CDH23: variants seen among roughly 807,000 people sequenced by gnomAD.
The protein encoded by CDH23 is cadherin-23.
CDH23 carries 189 observed loss-of-function variants against 317.1 expected under a neutral mutation model. That is an observed-to-expected ratio of 0.60 (90% CI 0.53 to 0.67). The LOEUF is 0.67. Ranked by LOEUF, CDH23 falls within the 30% of genes least tolerant of loss-of-function variation. The probability of loss-of-function intolerance (pLI) is 0.00; values close to 1 mark genes in which losing one functional copy is unlikely to be tolerated. For missense variants in CDH23, 4,401 were observed against 4,592.4 expected (o/e 0.96, Z 1.20); for synonymous variants, 1,839 against 1,876.8 (o/e 0.98, Z 0.52).
chr10:71,654,750 C>T (rs926142155), intron 14 of CDH23, among the ~76,000 whole-genome samples: 1 of 152,186 alleles, frequency 6.6e-6, no homozygotes, highest in African/African-American at 2.4e-5. Context: ...CCCACGTGTC[C>T]GGACATCTCC....
At position 71,807,614 on chromosome 10, in the gene CDH23, G is replaced by A. The variant is rs369697366; in HGVS notation, c.8407G>A (p.Val2803Ile). The A allele has an allele frequency of 8.2e-5, 132 of 1,613,948 alleles. No individual in the cohort carries two copies. The highest frequency in any genetic ancestry group is 6.6e-4 in the Middle Eastern group (4 of 6,062). ...REREAIFSFIVKASSNRSWTP... is the reference protein window; with the variant it reads ...REREAIFSFIIKASSNRSWTP... ...GCGAGAAGCCATCTTCTCCTTCATC[G>A]TCAAGGCCTCCAGCAATCGCAGCTG... Residue 2803 changes from valine to isoleucine, a missense_variant, in exon 59 of 70, where the codon GTC becomes ATC. Around this residue, in one of 3 missense-constraint regions of CDH23, gnomAD observed 1,144 missense variants for 1,138.2 expected, o/e 1.01. Transcript: ENST00000224721.
Position 71,811,815 on chromosome 10 carries a change from C to T in CDH23, c.9319+62C>T. 30 of 1,474,248 alleles carry T rather than the reference C, an allele frequency of 2.0e-5. 1 individual carries two copies. In the South Asian group the frequency reaches 3.5e-4, roughly 17 times the overall value. 91.3% of individuals were successfully genotyped at this position (1,474,248 alleles called of 1,614,324 possible). On this transcript the variant is annotated intron_variant, in intron 65 of 69. Transcript: ENST00000224721. ...GCAGTGGGCTGGGGACCTGGAGTGC[C>T]CACCGGAGCCACAAGCCTGGCTCAG...
intron 3 of CDH23, among the ~76,000 whole-genome samples, chr10:71,450,739 G>A (rs1028829631): frequency 4.0e-5 from 6 of 151,870 alleles, no homozygotes; most frequent in South Asian, 2.1e-4. Flanking sequence ...GGTTCCTCCC[G>A]CACCTCTTAG....
In CDH23 at chr10:71,797,240, T is replaced by A. The variant is rs776646861; in HGVS notation, c.6829+20T>A. The A allele has an allele frequency of 6.5e-7, 1 of 1,546,526 alleles. No individual in the cohort carries two copies. On this transcript the variant is annotated intron_variant, in intron 49 of 69. Transcript: ENST00000224721. ...CAAATGGTAAGGTTCCCTGCAGACA[T>A]CTCTCATTGGTCACTCAGAGCCAAT...
chr10:71,568,748 A>G (rs1857563289), intron 7 of CDH23, among the ~76,000 whole-genome samples: 2 of 152,176 alleles, frequency 1.3e-5, no homozygotes, highest in Admixed American at 6.5e-5. Flanking sequence ...GCCACCACTG[A>G]GCTGGTACCA....
chr10:71,530,252 TC>T (rs986890525), intron 6 of CDH23, among the ~76,000 whole-genome samples: 2 of 152,150 alleles, frequency 1.3e-5, no homozygotes, highest in African/African-American at 4.8e-5. Context: ...TAACAAGCCC[TC>T]CTTGGGGGCT....
At chr10:71,740,503 G>C (rs1839705475) in intron 36 of CDH23, among the ~76,000 whole-genome samples, 1 of 152,252 alleles carries the variant, frequency 6.6e-6, no homozygotes. Flanking sequence ...TCAAAGGCTG[G>C]CACAGCCCAG....
intron 3 of CDH23, among the ~76,000 whole-genome samples, chr10:71,505,963 C>G (rs1006734977): frequency 3.9e-5 from 6 of 152,144 alleles, no homozygotes; most frequent in African/African-American, 1.4e-4. Context: ...TTCCAATAGT[C>G]AACAGATGGG....
At chr10:71,671,258 C>A (rs1309592475) in intron 14 of CDH23, among the ~76,000 whole-genome samples, 3 of 152,152 alleles carry the variant, frequency 2.0e-5, no homozygotes, top group East Asian at 3.8e-4. Context: ...AGCCACCATG[C>A]CTGGCCTTTG....
In CDH23 at chr10:71,784,383, G is replaced by A. The variant is rs1200284846; in HGVS notation, c.5465G>A (p.Cys1822Tyr). The A allele has an allele frequency of 2.5e-6, 4 of 1,613,794 alleles. No homozygotes were observed. The South Asian group carries it at 3.3e-5, about 13-fold the overall frequency. ...ETIAFYNLTI[C>Y]ARDRGMPPLS... ...ATCGCCTTCTACAACCTGACCATCT[G>A]TGCCCGTGACCGGGGGATGCCCCCA... The change falls in exon 42 of 70, where the codon TGT becomes TAT. Residue 1822 changes from cysteine (C) to tyrosine (Y), a missense_variant. Cys to Tyr is a radical substitution (Grantham distance 194). Around this residue, in one of 3 missense-constraint regions of CDH23, gnomAD observed 3,068 missense variants for 3,203.3 expected, o/e 0.96. Transcript: ENST00000224721.
At chr10:71,779,168 G>GAGGCAGA in intron 40 of CDH23, 99 bp from the exon 41 acceptor site, 2 of 1,151,948 alleles carry the variant, frequency 1.7e-6, no homozygotes, top group Non-Finnish European at 2.6e-6. Context: ...TGGGCCTCAT[G>GAGGCAGA]AGGCAGAATT....
chr10:71,441,168 T>C (rs1849857729), intron 2 of CDH23, among the ~76,000 whole-genome samples: 2 of 152,066 alleles, frequency 1.3e-5, no homozygotes, highest in African/African-American at 2.4e-5. Context: ...CTGGAGAAGC[T>C]ACTGGCCCAA....
intron 28 of CDH23, 56 bp from the exon 29 acceptor site, chr10:71,723,989 C>T: frequency 1.3e-6 from 2 of 1,542,846 alleles, no homozygotes; most frequent in Admixed American, 3.9e-5. Context: ...CTAAAAACCT[C>T]TTCTCTCCCT....
intron 3 of CDH23, among the ~76,000 whole-genome samples, chr10:71,488,740 C>T (rs918481475): frequency 2.0e-5 from 3 of 152,238 alleles, no homozygotes; most frequent in African/African-American, 7.2e-5. Context: ...CATTGTTCAC[C>T]TGAACTTCTT....
intron 3 of CDH23, among the ~76,000 whole-genome samples, chr10:71,506,863 T>C (rs1187931803): frequency 6.6e-6 from 1 of 152,060 alleles, no homozygotes; most frequent in Non-Finnish European, 1.5e-5. Flanking sequence ...ATGAAGAAGC[T>C]GAAAAGGACC....
intron 28 of CDH23, chr10:71,716,034 T>C (rs2132769843): frequency 6.7e-7 from 1 of 1,502,644 alleles, no homozygotes. Flanking sequence ...TGGCGGAAGC[T>C]GTGCAGGGAG....
In CDH23 at chr10:71,740,843, A is replaced by G; in HGVS notation, c.4510A>G (p.Thr1504Ala). ...ILQVVASDRG[T>A]PPRKKDHILQ... is the part of the protein sequence containing the mutation. ...GCAGGTTGTGGCTTCTGACCGAGGC[A>G]CCCCTCCACGGAAGAAGGACCACAT... is the stretch of plus-strand genomic sequence containing the variant. Residue 1504 changes from threonine (T) to alanine (A), a missense_variant, in exon 37 of 70, where the codon ACC becomes GCC. Thr to Ala is a moderately conservative substitution (Grantham distance 58). Around this residue, in one of 3 missense-constraint regions of CDH23, gnomAD observed 3,068 missense variants for 3,203.3 expected, o/e 0.96. Transcript: ENST00000224721. 4 of 1,613,564 alleles carry G rather than the reference A, an allele frequency of 2.5e-6. No individual in the cohort carries two copies. The highest frequency in any genetic ancestry group is 3.4e-6 in the Non-Finnish European group (4 of 1,179,856).
chr10:71,747,792 A>T (rs1839888335), intron 38 of CDH23: 1 of 152,292 alleles, frequency 6.6e-6, no homozygotes, highest in African/African-American at 2.4e-5. Flanking sequence ...CAAGGCAGAC[A>T]TGGCTATCTA....
chr10:71,476,080 A>T (rs1004543772), intron 3 of CDH23, among the ~76,000 whole-genome samples: 1 of 152,064 alleles, frequency 6.6e-6, no homozygotes, highest in Non-Finnish European at 1.5e-5. Context: ...GTTTGATGGG[A>T]GCTGAGGATA....
Sources: gnomAD v4.1 joint callset for allele counts (sites outside exome capture counted in the v4.1 genomes callset) on GRCh38, gnomAD v4.1.1 for gene constraint, gnomAD v4.1.1 regional missense constraint, MANE v1.5 for transcripts, NCBI Gene and HGNC (gene_info 2026-07-23, HGNC 2026-07-21) for gene names.